The following CDH18 variants were observed in gnomAD, a reference collection of about 807,000 sequenced individuals.
CDH18 encodes cadherin 18.
Under a neutral mutation model 67.9 loss-of-function variants are expected in CDH18, and 31 were observed. That is an observed-to-expected ratio of 0.46 (90% CI 0.34 to 0.62). The LOEUF (loss-of-function observed/expected upper bound fraction) is 0.62, where lower values mean the gene tolerates loss of function less well. Among genes scored for constraint, CDH18 ranks in the 20% least tolerant of loss-of-function variants. CDH18 has a pLI of 0.01. For synonymous variants in CDH18, 362 were observed against 347.2 expected (o/e 1.04, Z -0.48); for missense variants, 890 against 975.5 (o/e 0.91, Z 1.17).
At chr5:20,336,280 G>C (rs1189121041) in intron 1 of CDH18, among the ~76,000 whole-genome samples, 1 of 152,070 alleles carries the variant, frequency 6.6e-6, no homozygotes, top group Non-Finnish European at 1.5e-5. Flanking sequence ...CCAGAGGGGG[G>C]AATGAGAGAG....
chr5:19,558,251 C>A (rs1277159902), intron 8 of CDH18, among the ~76,000 whole-genome samples: 5 of 151,506 alleles, frequency 3.3e-5, no homozygotes, highest in African/African-American at 1.2e-4. Flanking sequence ...GAAACAAGAA[C>A]AAACCACACC....
intron 1 of CDH18, among the ~76,000 whole-genome samples, chr5:20,509,625 TG>T (rs2126478666): frequency 3.2e-5 from 1 of 30,810 alleles, no homozygotes; most frequent in South Asian, 1.2e-3. Context: ...TTCACCATGT[TG>T]GCCAGGATAG....
intron 1 of CDH18, among the ~76,000 whole-genome samples, chr5:20,480,340 A>T (rs538005554): frequency 3.9e-5 from 6 of 152,322 alleles, no homozygotes; most frequent in Admixed American, 2.6e-4. Flanking sequence ...ACTTTTCAAG[A>T]CATAGACAGT....
chr5:19,935,579 A>G (rs1794157402), intron 2 of CDH18, among the ~76,000 whole-genome samples: 1 of 151,348 alleles, frequency 6.6e-6, no homozygotes, highest in African/African-American at 2.4e-5. Context: ...GTAGTAGACT[A>G]TACCATCTGG....
chr5:19,782,480 T>C (rs1476970649), intron 3 of CDH18, among the ~76,000 whole-genome samples: 2 of 152,124 alleles, frequency 1.3e-5, no homozygotes, highest in Non-Finnish European at 2.9e-5. Context: ...AAAGGGATTT[T>C]CCTGTGTGGT....
At chr5:19,720,968 C>G (rs139615646) in intron 5 of CDH18, among the ~76,000 whole-genome samples, 9 of 152,184 alleles carry the variant, frequency 5.9e-5, no homozygotes, top group South Asian at 2.1e-4. Flanking sequence ...GCTATTTACC[C>G]TCTTCAGCTA....
intron 1 of CDH18, among the ~76,000 whole-genome samples, chr5:20,454,194 G>A (rs13356049): frequency 0.023 from 3,451 of 152,072 alleles, 130 homozygotes; most frequent in African/African-American, 0.079. Context: ...TATAAAAATG[G>A]CTGACAACAA....
At chr5:20,346,970 G>T (rs1740751885) in intron 1 of CDH18, among the ~76,000 whole-genome samples, 1 of 152,134 alleles carries the variant, frequency 6.6e-6, no homozygotes, top group African/African-American at 2.4e-5. Context: ...AGGGGTATGT[G>T]CTATAGCAGA....
chr5:19,670,353 T>C (rs2150347629), intron 5 of CDH18, among the ~76,000 whole-genome samples: 1 of 152,192 alleles, frequency 6.6e-6, no homozygotes, highest in Middle Eastern at 3.4e-3. Context: ...GAAAAGTACA[T>C]TCAAAAACAG....
chr5:20,532,962 T>C (rs887989853), intron 1 of CDH18, among the ~76,000 whole-genome samples: 2 of 151,998 alleles, frequency 1.3e-5, no homozygotes, highest in Non-Finnish European at 2.9e-5. Flanking sequence ...CCAACTCCTA[T>C]GCTGAAGTCC....
intron 2 of CDH18, among the ~76,000 whole-genome samples, chr5:19,959,710 T>G (rs961486202): frequency 6.6e-6 from 1 of 152,098 alleles, no homozygotes; most frequent in African/African-American, 2.4e-5. Flanking sequence ...TTTTCAGTCA[T>G]GCATCCCTTA....
At chr5:20,023,684 G>A (rs116712032) in intron 2 of CDH18, among the ~76,000 whole-genome samples, 1,671 of 150,302 alleles carry the variant, frequency 0.011, 37 homozygotes, top group African/African-American at 0.039. Context: ...AAAAAGAAAG[G>A]TATTTATTTA....
chr5:20,471,833 T>TTAAAAAAA (rs757184101), intron 1 of CDH18, among the ~76,000 whole-genome samples: 2,653 of 51,314 alleles, frequency 0.052, 281 homozygotes, highest in African/African-American at 0.17. Flanking sequence ...AGATTCAGTC[T>TTAAAAAAA]AAAAAAAAAA....
intron 1 of CDH18, among the ~76,000 whole-genome samples, chr5:20,503,594 G>A (rs979506675): frequency 6.6e-6 from 1 of 152,132 alleles, no homozygotes; most frequent in Non-Finnish European, 1.5e-5. Context: ...GTTCCCAAGA[G>A]TGGGGCAATA....
chr5:20,107,260 G>C (rs1747036349), intron 2 of CDH18, among the ~76,000 whole-genome samples: 1 of 151,780 alleles, frequency 6.6e-6, no homozygotes, highest in African/African-American at 2.4e-5. Context: ...TTTTAGTAGA[G>C]ACACGGGGTT....
intron 2 of CDH18, among the ~76,000 whole-genome samples, chr5:20,180,114 A>G (rs1388696567): frequency 2.0e-5 from 3 of 152,180 alleles, no homozygotes; most frequent in Admixed American, 6.5e-5. Context: ...CCCCCTGCAG[A>G]GAGCCTATGA....
At chr5:19,703,313 A>C (rs1763511577) in intron 5 of CDH18, among the ~76,000 whole-genome samples, 1 of 152,126 alleles carries the variant, frequency 6.6e-6, no homozygotes, top group Admixed American at 6.5e-5. Flanking sequence ...GTGGTGAGTA[A>C]GAAGGGGAGC....
At chr5:19,529,202 G>A (rs1748211700) in intron 9 of CDH18, among the ~76,000 whole-genome samples, 1 of 151,966 alleles carries the variant, frequency 6.6e-6, no homozygotes, top group African/African-American at 2.4e-5. Context: ...AAGAAGACTG[G>A]TTGTTTAACA....
chr5:19,721,341 AC>A lies in CDH18; in HGVS notation c.643+5del, dbSNP rs1561143469. 5.0e-6 allele frequency: 8 copies of A among 1,590,738 alleles called. No individual in the cohort carries two copies. The highest frequency in any genetic ancestry group is 6.9e-6 in the Non-Finnish European group (8 of 1,164,348). Reference sequence around the variant, plus strand: ...TTGCATGCGAGTTATGTGTAAATGCACTAACCTGTTTTAGGGTCGACGGAGA... The same window carrying A: ...TTGCATGCGAGTTATGTGTAAATGCATAACCTGTTTTAGGGTCGACGGAGA... On this transcript the variant is annotated splice_donor_5th_base_variant and intron_variant, in intron 5 of 12. Coordinates refer to ENST00000382275, the MANE Select transcript of CDH18 (RefSeq NM_004934.5).
Sources: allele counts gnomAD v4.1 joint callset (sites outside exome capture counted in the v4.1 genomes callset), GRCh38; gene constraint gnomAD v4.1.1; transcripts MANE v1.5; gene names NCBI Gene and HGNC (gene_info 2026-07-23, HGNC 2026-07-21).